Variants in STMN1 observed in about 807,000 individuals in gnomAD.
STMN1 encodes the protein stathmin 1.
Under a neutral mutation model 19.7 loss-of-function variants are expected in STMN1, and 3 were observed. The observed-to-expected ratio is 0.15, with a 90% CI of 0.07 to 0.39. STMN1 has a LOEUF of 0.39. STMN1 is among the 10% of genes least tolerant of loss of function. The pLI, the probability that STMN1 is intolerant of heterozygous loss-of-function variation, is 1.00. For synonymous variants in STMN1, 59 were observed against 58.9 expected, an observed-to-expected ratio of 1.00 and a Z score of -0.01; for missense variants, 99 against 176.0, an observed-to-expected ratio of 0.56 and a Z score of 2.48.
intron 2 of STMN1, among the ~76,000 whole-genome samples, chr1:25,904,031 G>C (rs970092488): frequency 2.6e-5 from 4 of 152,144 alleles, no homozygotes; most frequent in Non-Finnish European, 5.9e-5. Context: ...CATTTCCCAA[G>C]GCCAGGTACC....
chr1:25,886,911 C>T (rs964437178), intron 4 of STMN1, among the ~76,000 whole-genome samples: 7 of 152,014 alleles, frequency 4.6e-5, no homozygotes, highest in African/African-American at 1.7e-4. Context: ...ATCTGCTCAA[C>T]TCCTGCTTCT....
At chr1:25,885,099 GAGA>G (rs2048710783), downstream of STMN1, 2 of 153,756 alleles carry the variant, frequency 1.3e-5, no homozygotes, top group African/African-American at 4.8e-5. Context: ...AATCTATGCG[GAGA>G]AGGTCTTCTT....
rs770456501 is a variant in STMN1 at position 25,901,102 on chromosome 1, T to TA, written c.379-16dup. On this transcript the variant is annotated splice_polypyrimidine_tract_variant and intron_variant, in intron 4 of 4. Coordinates refer to ENST00000455785, the MANE Select transcript of STMN1 (RefSeq NM_005563.4). Reference sequence around the variant, plus strand: ...ATGTGCTTATCCTGTAAAGGAAGGGTAAGGTGTCATCAGTCAAAAAAAAAA... The same window carrying TA: ...ATGTGCTTATCCTGTAAAGGAAGGGTAAAGGTGTCATCAGTCAAAAAAAAAA... 11 of 1,517,788 alleles carry TA rather than the reference T, an allele frequency of 7.2e-6. No individual in the cohort carries two copies. Among genetic ancestry groups the TA allele is most frequent in the South Asian group, 1.2e-5 (1 of 84,462 alleles). 94.0% of individuals were successfully genotyped at this position (1,517,788 alleles called of 1,614,324 possible). A position where few individuals can be genotyped will look rare whatever the true frequency, so the allele number is the denominator to read the frequency against.
At chr1:25,904,155 A>C (rs537732001) in intron 2 of STMN1, among the ~76,000 whole-genome samples, 1 of 152,122 alleles carries the variant, frequency 6.6e-6, no homozygotes, top group Admixed American at 6.6e-5. Context: ...TCTACAAAAA[A>C]AATTTTTTTT....
downstream of STMN1, among the ~76,000 whole-genome samples, chr1:25,897,612 T>C (rs923662971): frequency 1.3e-5 from 2 of 152,058 alleles, no homozygotes; most frequent in African/African-American, 2.4e-5. Context: ...AACGGCTGAA[T>C]AGTAGGGCTT....
chr1:25,900,494 C>A lies in STMN1; in HGVS notation c.*522G>T, dbSNP rs1325540319. 7.1e-6 allele frequency: 7 copies of A among 985,816 alleles called. No individual in the cohort carries two copies. Among genetic ancestry groups the A allele is most frequent in the Non-Finnish European group, 8.4e-6 (7 of 830,026 alleles). 61.1% of individuals were successfully genotyped at this position (985,816 alleles called of 1,614,324 possible). On this transcript the variant is annotated 3_prime_UTR_variant, in exon 5 of 5. Transcript: ENST00000455785. ...TTTCTACCAGCCCCAAAGGCCCCAT[C>A]TGGAACAAGTATCAACCAGGAGGGG...
chr1:25,884,627 T>C (rs1316136049), downstream of STMN1: 1 of 133,714 alleles, frequency 7.5e-6, no homozygotes, highest in Non-Finnish European at 1.5e-5. Flanking sequence ...ACTCAGAAGG[T>C]GGGGCTTGCA....
In STMN1 at chr1:25,900,988, T is replaced by C; in HGVS notation, c.*28A>G. 1 of 1,611,460 alleles carries C rather than the reference T, an allele frequency of 6.2e-7. No homozygotes were observed. The highest frequency in any genetic ancestry group is 8.5e-7 in the Non-Finnish European group (1 of 1,179,208). On this transcript the variant is annotated 3_prime_UTR_variant, in exon 5 of 5. Transcript: ENST00000455785. ...AGTCTTTGGATATTTAGGAAGGGGATGGGGAGAAAGTCAGTTCTCAGAACA... is the reference window on the plus strand; with the variant it reads ...AGTCTTTGGATATTTAGGAAGGGGACGGGGAGAAAGTCAGTTCTCAGAACA...
downstream of STMN1, chr1:25,884,224 G>C (rs1395128614): frequency 6.6e-6 from 1 of 152,126 alleles, no homozygotes; most frequent in Admixed American, 6.5e-5. Flanking sequence ...CTATACAGAA[G>C]AGATCATTTT....
At chr1:25,904,908 G>C in intron 1 of STMN1, 170 bp from the exon 2 acceptor site, 1 of 449,996 alleles carries the variant, frequency 2.2e-6, no homozygotes, top group Non-Finnish European at 3.9e-6. Flanking sequence ...TAAACATTGG[G>C]AAATATGACC....
chr1:25,902,949 A>C (rs2048892820), intron 3 of STMN1: 1 of 152,224 alleles, frequency 6.6e-6, no homozygotes, highest in Admixed American at 6.5e-5. Flanking sequence ...TTAAATGAAA[A>C]GTTATGTACA....
chr1:25,897,392 A>ACAAATGAATT (rs925869366), downstream of STMN1, among the ~76,000 whole-genome samples: 5 of 152,210 alleles, frequency 3.3e-5, no homozygotes, highest in African/African-American at 1.2e-4. Context: ...AGTGATTCAA[A>ACAAATGAATT]CAAATGAATT....
chr1:25,903,470 C>T (rs577871446), intron 3 of STMN1, 171 bp downstream of exon 3: 211 of 801,116 alleles, frequency 2.6e-4, no homozygotes, highest in Admixed American at 1.4e-3. Context: ...AACAAAGGAG[C>T]GGGCATGTAA....
chr1:25,900,038 G>C (rs892006663), downstream of STMN1: 4 of 959,646 alleles, frequency 4.2e-6, no homozygotes, highest in Non-Finnish European at 5.0e-6. Context: ...ACAAGATGAC[G>C]TATCTGCCAA....
intron 4 of STMN1, chr1:25,892,560 A>G (rs772519113): frequency 2.8e-5 from 27 of 960,446 alleles, no homozygotes; most frequent in Non-Finnish European, 3.2e-5. Flanking sequence ...ACCACGGCTG[A>G]GCCGCTGAGC....
rs2048950246 is a variant in STMN1 at position 25,906,347 on chromosome 1, T to G, written c.-63+42A>C. The G allele has an allele frequency of 6.6e-6, 1 of 152,522 alleles. No individual in the cohort carries two copies. The highest frequency in any genetic ancestry group is 2.4e-5 in the African/African-American group (1 of 40,968). The allele number at this position is 152,522 out of a possible 1,614,324, so 9.4% of individuals were successfully genotyped here. ...CTCCCGCCGACCGCGTCCCTCTTGC[T>G]GGCCTCAGCCAGCCGCCGCCTCCTC... On this transcript the variant is annotated intron_variant, in intron 1 of 4. Coordinates refer to ENST00000455785, the MANE Select transcript of STMN1 (RefSeq NM_005563.4). This position sits in a 1 kb window ranked among gnomAD's most constrained non-coding sequence, Gnocchi z 4.5.
At chr1:25,898,980 C>T (rs1380767787), downstream of STMN1, among the ~76,000 whole-genome samples, 1 of 152,108 alleles carries the variant, frequency 6.6e-6, no homozygotes, top group East Asian at 1.9e-4. Context: ...AAATGGGGGC[C>T]CAGGACTAAG....
intron 4 of STMN1, among the ~76,000 whole-genome samples, chr1:25,892,836 A>G (rs1355840005): frequency 6.6e-6 from 1 of 152,152 alleles, no homozygotes; most frequent in Non-Finnish European, 1.5e-5. Context: ...ATTCTCTGGG[A>G]CCTAACTCCA....
downstream of STMN1, among the ~76,000 whole-genome samples, chr1:25,898,397 T>C (rs776763087): frequency 2.6e-5 from 4 of 152,226 alleles, no homozygotes; most frequent in African/African-American, 2.4e-5. Flanking sequence ...TAAAGCACCC[T>C]GGTGAGTACA....
Sources: allele counts gnomAD v4.1 joint callset (sites outside exome capture counted in the v4.1 genomes callset), GRCh38; gene constraint gnomAD v4.1.1; non-coding constraint Gnocchi (gnomAD v3.1); transcripts MANE v1.5; gene names NCBI Gene and HGNC (gene_info 2026-07-23, HGNC 2026-07-21).